MAP3K14: variants seen among roughly 807,000 people sequenced by gnomAD.
The protein encoded by MAP3K14 is mitogen-activated protein kinase kinase kinase 14, also known as NF-kappa-beta-inducing kinase.
In MAP3K14, 16 loss-of-function variants were observed where a neutral mutation model predicts 99.2. That is an observed-to-expected ratio of 0.16 (90% CI 0.11 to 0.24). MAP3K14 has a LOEUF of 0.24. Among genes scored for constraint, MAP3K14 ranks in the 10% least tolerant of loss-of-function variants. MAP3K14 has a pLI of 1.00. For missense variants in MAP3K14, 784 were observed against 1,208.7 expected, an observed-to-expected ratio of 0.65 and a Z score of 5.21; for synonymous variants, 462 against 492.4, an observed-to-expected ratio of 0.94 and a Z score of 0.82.
At position 45,286,610 on chromosome 17, in the gene MAP3K14, G is replaced by A. The variant is rs370661357; in HGVS notation, c.973C>T (p.Arg325Cys). The change falls in exon 5 of 16, where the codon CGT (arginine) becomes TGT (cysteine). Residue 325 changes from arginine (R) to cysteine (C), a missense_variant. Coordinates refer to ENST00000344686, the MANE Select transcript of MAP3K14 (RefSeq NM_003954.5). The surrounding 1 kb of genome is among the most constrained non-coding windows in gnomAD (Gnocchi z 4.1). ...GPHLEPSCLS[R>C]GAHEKFSVEE... ...ACAGAAAACTTCTCATGGGCACCAC[G>A]AGACAGGCAGCTGGGCTCCAGGTGT... is the stretch of plus-strand genomic sequence containing the variant. The A allele has an allele frequency of 5.3e-5, 86 of 1,611,152 alleles. No individual in the cohort carries two copies. Among genetic ancestry groups the A allele is most frequent in the Non-Finnish European group, 6.6e-5 (78 of 1,178,940 alleles).
At chr17:45,278,414 T>C (rs1393006769) in intron 6 of MAP3K14, among the ~76,000 whole-genome samples, 1 of 152,212 alleles carries the variant, frequency 6.6e-6, no homozygotes, top group African/African-American at 2.4e-5. Flanking sequence ...GATGAGGATA[T>C]TCATGAGAAC....
At chr17:45,285,798 A>G (rs972979925) in intron 5 of MAP3K14, among the ~76,000 whole-genome samples, 1 of 151,708 alleles carries the variant, frequency 6.6e-6, no homozygotes, top group African/African-American at 2.4e-5. Context: ...TCTATTAAAA[A>G]AAATATAGCT....
chr17:45,290,440 C>G (rs777716112), intron 2 of MAP3K14, 50 bp downstream of exon 2: 1 of 1,605,096 alleles, frequency 6.2e-7, no homozygotes, highest in South Asian at 1.1e-5. Flanking sequence ...AGCTACCCAC[C>G]TGCAGGCCCA....
At chr17:45,269,986 G>A (rs1711976128) in intron 11 of MAP3K14, among the ~76,000 whole-genome samples, 1 of 152,078 alleles carries the variant, frequency 6.6e-6, no homozygotes, top group South Asian at 2.1e-4. Context: ...GTGCAGTCTT[G>A]GGGATCGAGC....
chr17:45,295,534 TACTA>T (rs1200430293), intron 1 of MAP3K14, among the ~76,000 whole-genome samples: 2 of 152,208 alleles, frequency 1.3e-5, no homozygotes, highest in Admixed American at 6.5e-5. Context: ...CAACTCAGAA[TACTA>T]ACTGTCGATA....
chr17:45,286,493 C>T lies in MAP3K14; in HGVS notation c.1090G>A (p.Gly364Ser). The change falls in exon 5 of 16, where the codon GGC becomes AGC. Residue 364 changes from glycine to serine, a missense_variant. Physicochemically the swap from Gly to Ser is moderately conservative, Grantham distance 56 (BLOSUM62 0). Around this residue, in one of 5 missense-constraint regions of MAP3K14, gnomAD observed 138 missense variants for 164.1 expected, o/e 0.84. Transcript: ENST00000344686. The surrounding 1 kb of genome is among the most constrained non-coding windows in gnomAD (Gnocchi z 4.1). ...TSLAKTWAAR[G>S]SRSREPSPKT... Reference sequence around the variant, plus strand: ...GGGCTGGGCTCCCGGGATCTGGAGCCCCTTGCTGCCCAGGTCTTGGCCAGG... The same window carrying T: ...GGGCTGGGCTCCCGGGATCTGGAGCTCCTTGCTGCCCAGGTCTTGGCCAGG... The T allele has an allele frequency of 1.2e-6, 2 of 1,604,866 alleles. No homozygotes were observed. The highest frequency in any genetic ancestry group is 1.7e-6 in the Non-Finnish European group (2 of 1,175,636).
chr17:45,314,749 C>G (rs770787842), intron 1 of MAP3K14, among the ~76,000 whole-genome samples: 1 of 152,108 alleles, frequency 6.6e-6, no homozygotes, highest in Non-Finnish European at 1.5e-5. Context: ...ACTTTCCCCC[C>G]AGAAAGAACA....
rs1040728415 is a variant in MAP3K14 at position 45,286,339 on chromosome 17, C to T, written c.1152+92G>A. ...AGCACTGTCCTACTGTTTGATTTGT[C>T]ACCACAGGCAAGAGTGACTCTGATA... On this transcript the variant is annotated intron_variant, in intron 5 of 15. Transcript: ENST00000344686. The surrounding 1 kb of genome is among the most constrained non-coding windows in gnomAD (Gnocchi z 4.1). 13 of 1,407,356 alleles carry T rather than the reference C, an allele frequency of 9.2e-6. No homozygotes were observed. In the African/African-American group the frequency reaches 1.7e-4, roughly 19 times the overall value. 87.2% of individuals were successfully genotyped at this position (1,407,356 alleles called of 1,614,324 possible). A position where few individuals can be genotyped will look rare whatever the true frequency, so the allele number is the denominator to read the frequency against.
chr17:45,284,360 G>A (rs1246378697), intron 6 of MAP3K14, among the ~76,000 whole-genome samples: 1 of 152,204 alleles, frequency 6.6e-6, no homozygotes, highest in East Asian at 1.9e-4. Flanking sequence ...CTCCGACTCT[G>A]GCAGATCTGC....
intron 11 of MAP3K14, among the ~76,000 whole-genome samples, chr17:45,269,917 T>C (rs1183160957): frequency 6.6e-6 from 1 of 152,240 alleles, no homozygotes; most frequent in Non-Finnish European, 1.5e-5. Context: ...CCCTGACTTA[T>C]AGCCAGTTGG....
Position 45,286,316 on chromosome 17 carries a change from C to A in MAP3K14, c.1152+115G>T. On this transcript the variant is annotated intron_variant, in intron 5 of 15. Coordinates refer to ENST00000344686, the MANE Select transcript of MAP3K14 (RefSeq NM_003954.5). This position sits in a 1 kb window ranked among gnomAD's most constrained non-coding sequence, Gnocchi z 4.1. ...GATGATACTTTTCATCCACAATGAG[C>A]ACTGTCCTACTGTTTGATTTGTCAC... 1 of 1,232,932 alleles carries A rather than the reference C, an allele frequency of 8.1e-7. No individual in the cohort carries two copies. Among genetic ancestry groups the A allele is most frequent in the Non-Finnish European group, 1.1e-6 (1 of 902,350 alleles). The allele number at this position is 1,232,932 out of a possible 1,614,324, so 76.4% of individuals were successfully genotyped here. A position where few individuals can be genotyped will look rare whatever the true frequency, so the allele number is the denominator to read the frequency against.
chr17:45,312,518 G>GA (rs368839688), intron 1 of MAP3K14, among the ~76,000 whole-genome samples: 1 of 152,074 alleles, frequency 6.6e-6, no homozygotes, highest in African/African-American at 2.4e-5. Context: ...GTATTAAGGT[G>GA]AAAAAAGACT....
intron 6 of MAP3K14, among the ~76,000 whole-genome samples, chr17:45,275,688 GT>G (rs1482429238): frequency 2.7e-5 from 4 of 150,728 alleles, no homozygotes; most frequent in Non-Finnish European, 5.9e-5. Flanking sequence ...CAGAAGCTGG[GT>G]TTTTGACTTA....
intron 6 of MAP3K14, among the ~76,000 whole-genome samples, chr17:45,280,996 C>T (rs2044218166): frequency 6.6e-6 from 1 of 152,080 alleles, no homozygotes; most frequent in African/African-American, 2.4e-5. Context: ...TCTACATGGC[C>T]GTTAAAAAGC....
At chr17:45,279,727 C>T (rs936093728) in intron 6 of MAP3K14, among the ~76,000 whole-genome samples, 31 of 152,208 alleles carry the variant, frequency 2.0e-4, no homozygotes, top group African/African-American at 7.5e-4. Context: ...CCAGCCTCTT[C>T]TTTGGTATTC....
intron 1 of MAP3K14, among the ~76,000 whole-genome samples, chr17:45,311,939 ATCTGGG>A (rs946490094): frequency 9.2e-5 from 14 of 152,178 alleles, no homozygotes; most frequent in African/African-American, 3.4e-4. Context: ...GACACTGCTG[ATCTGGG>A]CTCTGTGCCC....
At chr17:45,275,271 C>A (rs2044170582) in intron 6 of MAP3K14, among the ~76,000 whole-genome samples, 1 of 151,988 alleles carries the variant, frequency 6.6e-6, no homozygotes, top group South Asian at 2.1e-4. Flanking sequence ...AGATCAAGAC[C>A]ATCTTGGCCA....
At chr17:45,278,679 CTT>C (rs34562745) in intron 6 of MAP3K14, among the ~76,000 whole-genome samples, 53 of 138,998 alleles carry the variant, frequency 3.8e-4, no homozygotes, top group Admixed American at 5.8e-4. Flanking sequence ...CCATGCTGAA[CTT>C]TTTTTTTTTT....
intron 1 of MAP3K14, among the ~76,000 whole-genome samples, chr17:45,315,655 T>A (rs1448414404): frequency 2.0e-5 from 3 of 152,132 alleles, no homozygotes; most frequent in African/African-American, 7.2e-5. Flanking sequence ...AACTTCTCCC[T>A]CCTTTCTGCA....
Sources: gnomAD v4.1 joint callset for allele counts (sites outside exome capture counted in the v4.1 genomes callset) on GRCh38, gnomAD v4.1.1 for gene constraint, gnomAD v4.1.1 regional missense constraint, Gnocchi (gnomAD v3.1) non-coding constraint, MANE v1.5 for transcripts, NCBI Gene and HGNC (gene_info 2026-07-23, HGNC 2026-07-21) for gene names.